NTM: variants seen among roughly 807,000 people sequenced by gnomAD.
The protein encoded by NTM is neurotrimin.
A neutral mutation model predicts 42.1 loss-of-function variants in NTM; 13 were observed. That is an observed-to-expected ratio of 0.31 (90% CI 0.20 to 0.49). NTM has a LOEUF of 0.49. Ranked by LOEUF, NTM falls within the 20% of genes least tolerant of loss-of-function variation. NTM has a pLI of 0.99. For missense variants in NTM, 373 were observed against 452.8 expected (o/e 0.82, Z 1.60); for synonymous variants, 187 against 179.2 (o/e 1.04, Z -0.35).
At chr11:131,953,471 C>T (rs1442326595) in intron 2 of NTM, among the ~76,000 whole-genome samples, 1 of 152,096 alleles carries the variant, frequency 6.6e-6, no homozygotes, top group Non-Finnish European at 1.5e-5. Flanking sequence ...CTATACCTAC[C>T]TATGGAGCAT....
chr11:131,394,721 T>C (rs766106088), intron 1 of NTM, among the ~76,000 whole-genome samples: 1 of 152,132 alleles, frequency 6.6e-6, no homozygotes, highest in African/African-American at 2.4e-5. Flanking sequence ...TGAACATCCA[T>C]CTACTGAGAG....
intron 2 of NTM, among the ~76,000 whole-genome samples, chr11:131,953,627 A>G (rs1045525286): frequency 1.3e-5 from 2 of 152,198 alleles, no homozygotes; most frequent in Non-Finnish European, 2.9e-5. Context: ...TTTCTTTGCT[A>G]TTACTGGCCT....
At chr11:131,405,258 G>T (rs1411451017) in intron 1 of NTM, among the ~76,000 whole-genome samples, 1 of 152,110 alleles carries the variant, frequency 6.6e-6, no homozygotes, top group Non-Finnish European at 1.5e-5. Context: ...TCTGTTGACT[G>T]CCAATTTTAT....
intron 2 of NTM, among the ~76,000 whole-genome samples, chr11:132,140,346 C>T (rs1345582456): frequency 6.6e-6 from 1 of 152,146 alleles, no homozygotes; most frequent in Admixed American, 6.5e-5. Context: ...ATCCTTTCAC[C>T]TGTATCATAA....
intron 3 of NTM, among the ~76,000 whole-genome samples, chr11:132,175,334 T>G (rs1041840784): frequency 2.6e-5 from 4 of 152,050 alleles, no homozygotes; most frequent in Non-Finnish European, 5.9e-5. Flanking sequence ...CACTCATGTA[T>G]GTCCACACCC....
At position 132,167,567 on chromosome 11, in the gene NTM, C is replaced by T. The variant is rs567444568; in HGVS notation, c.400+21053C>T. Among the ~76,000 whole-genome samples the T allele has an allele frequency of 6.6e-5, 10 of 152,320 alleles. 1 individual carries two copies. The South Asian group carries it at 2.1e-3, about 32-fold the overall frequency. ...GAGTTCATTCCCATTCAAGCAATGGCTGTCATGTATCTTGCCTGAGGCTTC... is the reference window on the plus strand; with the variant it reads ...GAGTTCATTCCCATTCAAGCAATGGTTGTCATGTATCTTGCCTGAGGCTTC... On this transcript the variant is annotated intron_variant, in intron 3 of 8. Transcript: ENST00000683400.
rs1158502554 is a variant in NTM, at chr11:131,419,804, T to A, written c.82+48916T>A. Among the ~76,000 whole-genome samples, 3 of 152,186 alleles carry A rather than the reference T, an allele frequency of 2.0e-5. No individual in the cohort carries two copies. The East Asian group carries it at 5.8e-4, about 29-fold the overall frequency. ...GAAATTGGAGGAGGGCAGTAGCAGA[T>A]GTCGGGAGGCCATTACACTCAAATA... On this transcript the variant is annotated intron_variant, in intron 1 of 8. Coordinates refer to ENST00000683400, the MANE Select transcript of NTM (RefSeq NM_001352005.2).
chr11:131,770,576 A>C (rs1377973697), intron 1 of NTM, among the ~76,000 whole-genome samples: 1 of 152,174 alleles, frequency 6.6e-6, no homozygotes, highest in Non-Finnish European at 1.5e-5. Flanking sequence ...CTGAGTTATA[A>C]AATTTTTTTA....
intron 4 of NTM, among the ~76,000 whole-genome samples, chr11:132,217,923 A>G (rs547001667): frequency 6.6e-6 from 1 of 152,184 alleles, no homozygotes; most frequent in Non-Finnish European, 1.5e-5. Context: ...GTAAGCACTG[A>G]CAAGGCCTTC....
At chr11:131,569,959 A>T (rs1373582126) in intron 1 of NTM, among the ~76,000 whole-genome samples, 1 of 152,182 alleles carries the variant, frequency 6.6e-6, no homozygotes, top group Non-Finnish European at 1.5e-5. Context: ...CCAGCCTCAG[A>T]AATGTCACTT....
chr11:131,660,996 G>T (rs1311019976), intron 1 of NTM: 4 of 1,304,484 alleles, frequency 3.1e-6, no homozygotes, highest in Admixed American at 4.6e-5. Context: ...AAAAAAAAAT[G>T]AACGGAAAAA....
intron 1 of NTM, among the ~76,000 whole-genome samples, chr11:131,812,568 A>G (rs182586702): frequency 2.0e-5 from 3 of 152,176 alleles, no homozygotes; most frequent in Non-Finnish European, 4.4e-5. Flanking sequence ...AACACACCAA[A>G]TGAGCTACTA....
chr11:132,122,128 T>G (rs2136940017), intron 2 of NTM, among the ~76,000 whole-genome samples: 1 of 152,340 alleles, frequency 6.6e-6, no homozygotes, highest in Middle Eastern at 3.4e-3. Context: ...CAAGCCATTG[T>G]GCTAGGAGCC....
At chr11:131,773,428 T>C (rs376039828) in intron 1 of NTM, among the ~76,000 whole-genome samples, 23 of 152,364 alleles carry the variant, frequency 1.5e-4, no homozygotes, top group African/African-American at 5.3e-4. Flanking sequence ...CTTACATTTC[T>C]TTTTCCTTAA....
Position 132,335,066 on chromosome 11 carries a change from G to A in NTM, c.988G>A (p.Val330Met), listed in dbSNP as rs1358155827. 2.5e-6 allele frequency: 4 copies of A among 1,612,508 alleles called. 1 individual carries two copies. The Admixed American group carries it at 5.0e-5, about 20-fold the overall frequency. ...PWKGPGAVSE[V>M]SNGTSRRAGC... Reference sequence around the variant, plus strand: ...CACAGGTCCAGGCGCCGTCAGCGAGGTGAGCAACGGCACGTCGAGGAGGGC... The same window carrying A: ...CACAGGTCCAGGCGCCGTCAGCGAGATGAGCAACGGCACGTCGAGGAGGGC... Residue 330 changes from valine (V) to methionine (M), a missense_variant, in exon 9 of 9, where the codon GTG becomes ATG. Val to Met is a conservative substitution (Grantham distance 21). Around this residue, in one of 3 missense-constraint regions of NTM, gnomAD observed 312 missense variants for 353.5 expected, o/e 0.88. Coordinates refer to ENST00000683400, the MANE Select transcript of NTM (RefSeq NM_001352005.2).
intron 4 of NTM, among the ~76,000 whole-genome samples, chr11:132,218,307 T>C (rs1190930159): frequency 2.0e-5 from 3 of 152,170 alleles, no homozygotes; most frequent in Admixed American, 2.0e-4. Context: ...AGCAAAAGTT[T>C]TTCTAAATCC....
intron 2 of NTM, among the ~76,000 whole-genome samples, chr11:132,076,703 A>G (rs2058411717): frequency 6.6e-6 from 1 of 152,294 alleles, no homozygotes. Flanking sequence ...CCACACCAAC[A>G]TTTTTCTAAG....
intron 1 of NTM, among the ~76,000 whole-genome samples, chr11:131,782,289 T>G (rs1466942360): frequency 6.6e-6 from 1 of 151,952 alleles, no homozygotes; most frequent in Non-Finnish European, 1.5e-5. Context: ...TCAAATTAGA[T>G]GTAATGAAAA....
chr11:131,981,874 T>TCAGGTGTCAGGTGTCAGGTGTCA (rs2065290510), intron 2 of NTM, among the ~76,000 whole-genome samples: 1 of 151,908 alleles, frequency 6.6e-6, no homozygotes, highest in Non-Finnish European at 1.5e-5. Context: ...TAGCTGGGCG[T>TCAGGTGTCAGGTGTCAGGTGTCA]GGTGTCAGGT....
Sources: allele counts gnomAD v4.1 joint callset (sites outside exome capture counted in the v4.1 genomes callset), GRCh38; gene constraint gnomAD v4.1.1; regional missense constraint gnomAD v4.1.1; transcripts MANE v1.5; gene names NCBI Gene and HGNC (gene_info 2026-07-23, HGNC 2026-07-21).